Variants in ADRA1D observed in about 807,000 individuals in gnomAD.
ADRA1D encodes the protein alpha-1D adrenergic receptor.
Under a neutral mutation model 18.6 loss-of-function variants are expected in ADRA1D, and 22 were observed. That is an observed-to-expected ratio of 1.19 (90% CI 0.85 to 1.69). The LOEUF is 1.69. Ranked by LOEUF, ADRA1D falls within the 40% of genes most tolerant of loss-of-function variation. The pLI, the probability that ADRA1D is intolerant of heterozygous loss-of-function variation, is 0.00. For missense variants in ADRA1D, 840 were observed against 840.7 expected, an observed-to-expected ratio of 1.00 and a Z score of 0.01; for synonymous variants, 376 against 388.2, an observed-to-expected ratio of 0.97 and a Z score of 0.37.
chr20:4,222,226 T>C lies in ADRA1D; in HGVS notation c.1112-96A>G. 1 of 1,493,640 alleles carries C rather than the reference T, an allele frequency of 6.7e-7. No individual in the cohort carries two copies. The highest frequency in any genetic ancestry group is 2.2e-5 in the Admixed American group (1 of 44,916). 92.5% of individuals were successfully genotyped at this position (1,493,640 alleles called of 1,614,324 possible). A position where few individuals can be genotyped will look rare whatever the true frequency, so the allele number is the denominator to read the frequency against. ...GGGGAGACCCTTCAGTAGCCTTGGC[T>C]GAGTCATTGACTAGGAGTTCTCAAG... On this transcript the variant is annotated intron_variant, in intron 1 of 1. Transcript: ENST00000379453. The surrounding 1 kb of genome is among the most constrained non-coding windows in gnomAD (Gnocchi z 4.3).
chr20:4,236,771 G>A (rs748474205), intron 1 of ADRA1D, among the ~76,000 whole-genome samples: 1 of 152,144 alleles, frequency 6.6e-6, no homozygotes, highest in Non-Finnish European at 1.5e-5. Context: ...GCCAGAGAGG[G>A]AGACGTGGCA....
intron 1 of ADRA1D, among the ~76,000 whole-genome samples, chr20:4,246,676 A>G (rs543533034): frequency 1.4e-4 from 22 of 152,312 alleles, no homozygotes; most frequent in African/African-American, 5.3e-4. Context: ...GTAAATATTC[A>G]TAGTGTCCTA....
intron 1 of ADRA1D, among the ~76,000 whole-genome samples, chr20:4,231,974 G>A (rs1038162742): frequency 3.3e-4 from 50 of 152,072 alleles, no homozygotes; most frequent in South Asian, 1.5e-3. Flanking sequence ...GTGCAATGGC[G>A]TGATCCTGGC....
Position 4,248,998 on chromosome 20 carries a change from C to A in ADRA1D, c.-41G>T. On this transcript the variant is annotated 5_prime_UTR_variant, in exon 1 of 2. Coordinates refer to ENST00000379453, the MANE Select transcript of ADRA1D (RefSeq NM_000678.4). Reference sequence around the variant, plus strand: ...TCGGTGGCCGGGCCGGGGCACAGAACGAGCGGCCGGCAGGGAGGGGAGCAC... The same window carrying A: ...TCGGTGGCCGGGCCGGGGCACAGAAAGAGCGGCCGGCAGGGAGGGGAGCAC... The A allele has an allele frequency of 7.9e-7, 1 of 1,265,118 alleles. No homozygotes were observed. Among genetic ancestry groups the A allele is most frequent in the South Asian group, 1.6e-5 (1 of 62,332 alleles). 78.4% of individuals were successfully genotyped at this position (1,265,118 alleles called of 1,614,324 possible).
intron 1 of ADRA1D, among the ~76,000 whole-genome samples, chr20:4,227,761 C>CCTTCCT (rs1568763500): frequency 1.0e-5 from 1 of 95,806 alleles, no homozygotes; most frequent in Non-Finnish European, 2.1e-5. Context: ...TTCTCTCTCT[C>CCTTCCT]TCTTTCTTCT....
At position 4,222,008 on chromosome 20, in the gene ADRA1D, C is replaced by CG; in HGVS notation, c.1233dup (p.Ala412ArgfsTer177). On this transcript the variant is annotated frameshift_variant, in exon 2 of 2. Transcript: ENST00000379453. LOFTEE classifies it low-confidence loss of function (END_TRUNC). This position sits in a 1 kb window ranked among gnomAD's most constrained non-coding sequence, Gnocchi z 4.3. The stretch of plus-strand genomic sequence containing the variant: ...TGGCAGCGCAGGAGACGGAGGAAGG[C>CG]GCGCTTGAACTCGCGGCTGGAACAG... The CG allele has an allele frequency of 6.3e-7, 1 of 1,595,752 alleles. No homozygotes were observed. Among genetic ancestry groups the CG allele is most frequent in the Non-Finnish European group, 8.5e-7 (1 of 1,171,136 alleles).
In ADRA1D at chr20:4,221,685, G is replaced by C; in HGVS notation, c.1557C>G (p.His519Gln). 6.2e-7 allele frequency: 1 copy of C among 1,612,278 alleles called. No homozygotes were observed. Among genetic ancestry groups the C allele is most frequent in the Non-Finnish European group, 8.5e-7 (1 of 1,179,590 alleles). ...GCTGCGCGCCCCCGGCGCGGATCTTGTGCGACAGGCTGGAGACTTTGGCGC... is the reference window on the plus strand; with the variant it reads ...GCTGCGCGCCCCCGGCGCGGATCTTCTGCGACAGGCTGGAGACTTTGGCGC... The part of the protein sequence containing the change: ...QLRAKVSSLS[H>Q]KIRAGGAQRA... Residue 519 changes from histidine to glutamine, a missense_variant, in exon 2 of 2, where the codon CAC (histidine) becomes CAG (glutamine). By Grantham distance (24) the His-to-Gln change is conservative. Coordinates refer to ENST00000379453, the MANE Select transcript of ADRA1D (RefSeq NM_000678.4).
At chr20:4,229,562 CT>C (rs973479402) in intron 1 of ADRA1D, among the ~76,000 whole-genome samples, 82 of 152,210 alleles carry the variant, frequency 5.4e-4, no homozygotes, top group African/African-American at 2.0e-3. Flanking sequence ...GTGTGGAGAT[CT>C]GGGGAGGAAC....
intron 1 of ADRA1D, among the ~76,000 whole-genome samples, chr20:4,224,223 C>T (rs976910197): frequency 7.9e-5 from 12 of 152,134 alleles, no homozygotes; most frequent in Admixed American, 2.6e-4. Context: ...TGGAATTAAG[C>T]CTCCATAAAC....
intron 1 of ADRA1D, among the ~76,000 whole-genome samples, chr20:4,224,958 T>C (rs556036103): frequency 1.3e-5 from 2 of 150,464 alleles, no homozygotes; most frequent in Admixed American, 1.3e-4. Flanking sequence ...CAAACCTTGG[T>C]CATGTGGCCC....
At position 4,248,005 on chromosome 20, in the gene ADRA1D, G is replaced by GC; in HGVS notation, c.952dup (p.Ala318GlyfsTer26). ...GCCCTTGGCGCTGCGCATGCCGTGC[G>GC]CCCCGTCGGCGCCCGTGGCCGCGCC... On this transcript the variant is annotated frameshift_variant, in exon 1 of 2. Coordinates refer to ENST00000379453, the MANE Select transcript of ADRA1D (RefSeq NM_000678.4). LOFTEE classifies it high-confidence loss of function. 6.4e-7 allele frequency: 1 copy of GC among 1,558,976 alleles called. No homozygotes were observed. The highest frequency in any genetic ancestry group is 8.7e-7 in the Non-Finnish European group (1 of 1,152,834).
chr20:4,221,987 A>C lies in ADRA1D; in HGVS notation c.1255T>G (p.Cys419Gly). Residue 419 changes from cysteine (C) to glycine (G), a missense_variant, in exon 2 of 2, where the codon TGC becomes GGC. Cys to Gly is a radical substitution (Grantham distance 159). Transcript: ENST00000379453. ...CGGCGCCGGCGACGACGGCACTGGCAGCGCAGGAGACGGAGGAAGGCGCGC... is the reference window on the plus strand; with the variant it reads ...CGGCGCCGGCGACGACGGCACTGGCCGCGCAGGAGACGGAGGAAGGCGCGC... ...FKRAFLRLLR[C>G]QCRRRRRRRP... 6.3e-7 allele frequency: 1 copy of C among 1,577,070 alleles called. No individual in the cohort carries two copies. Among genetic ancestry groups the C allele is most frequent in the Non-Finnish European group, 8.6e-7 (1 of 1,161,976 alleles).
chr20:4,232,585 AC>A (rs1300119226), intron 1 of ADRA1D, among the ~76,000 whole-genome samples: 1 of 152,102 alleles, frequency 6.6e-6, no homozygotes, highest in African/African-American at 2.4e-5. Context: ...CCTGGGAGAA[AC>A]CCTAAAGAGC....
chr20:4,233,072 C>T (rs1981006470), intron 1 of ADRA1D, among the ~76,000 whole-genome samples: 2 of 152,026 alleles, frequency 1.3e-5, no homozygotes, highest in East Asian at 1.9e-4. Context: ...GAGGCTGAGG[C>T]GAGAGGACTG....
intron 1 of ADRA1D, among the ~76,000 whole-genome samples, chr20:4,224,040 G>A (rs1036381272): frequency 2.0e-5 from 3 of 152,182 alleles, no homozygotes; most frequent in South Asian, 2.1e-4. Flanking sequence ...AGGTGGGAAG[G>A]ACAGGCGGGC....
Position 4,248,486 on chromosome 20 carries a change from C to T in ADRA1D, c.472G>A (p.Val158Ile). The change falls in exon 1 of 2, where the codon GTT becomes ATT. Residue 158 changes from valine to isoleucine, a missense_variant. Transcript: ENST00000379453. Reference protein sequence around the residue: ...TVLPFSATMEVLGFWAFGRAF... With the variant: ...TVLPFSATMEILGFWAFGRAF... ...CGGCCAAAGGCCCAGAAGCCCAGAA[C>T]CTCCATGGTGGCCGAGAAGGGCAGT... is the stretch of plus-strand genomic sequence containing the variant. The T allele has an allele frequency of 6.2e-7, 1 of 1,613,664 alleles. No individual in the cohort carries two copies. Among genetic ancestry groups the T allele is most frequent in the South Asian group, 1.1e-5 (1 of 91,032 alleles).
intron 1 of ADRA1D, among the ~76,000 whole-genome samples, chr20:4,246,552 CGT>C (rs1248504395): frequency 1.3e-5 from 2 of 151,958 alleles, no homozygotes; most frequent in Non-Finnish European, 2.9e-5. Flanking sequence ...GCGGCAAGAC[CGT>C]GACGGCAGAG....
rs545053064 is a variant in ADRA1D, at chr20:4,225,789, G to A, written c.1112-3659C>T. On this transcript the variant is annotated intron_variant, in intron 1 of 1. Coordinates refer to ENST00000379453, the MANE Select transcript of ADRA1D (RefSeq NM_000678.4). ...GAACTCACATCTGGGAAGGGACCCAGTTTCTAGCTCTGGAGAGTGGCCAGA... is the reference window on the plus strand; with the variant it reads ...GAACTCACATCTGGGAAGGGACCCAATTTCTAGCTCTGGAGAGTGGCCAGA... 2.6e-5 allele frequency among the ~76,000 whole-genome samples: 4 copies of A among 152,300 alleles called. No individual in the cohort carries two copies. In the South Asian group the frequency reaches 8.3e-4, roughly 32 times the overall value.
chr20:4,242,991 G>A lies in ADRA1D; in HGVS notation c.1111+4856C>T, dbSNP rs530585419. 2.5e-3 allele frequency among the ~76,000 whole-genome samples: 384 copies of A among 152,228 alleles called. 1 individual carries two copies. Among genetic ancestry groups the A allele is most frequent in the African/African-American group, 9.0e-3 (374 of 41,536 alleles). On this transcript the variant is annotated intron_variant, in intron 1 of 1. Transcript: ENST00000379453. ...ATGCTGCCGCCATGAAAACACGCAG[G>A]AGGGACACGGGCCTCTGGAGGCTCC...
Sources: allele counts gnomAD v4.1 joint callset (sites outside exome capture counted in the v4.1 genomes callset), GRCh38; gene constraint gnomAD v4.1.1; non-coding constraint Gnocchi (gnomAD v3.1); transcripts MANE v1.5; gene names NCBI Gene and HGNC (gene_info 2026-07-23, HGNC 2026-07-21).